RAB38: variants seen among roughly 807,000 people sequenced by gnomAD.
The protein encoded by RAB38 is ras-related protein Rab-38.
A neutral mutation model predicts 18.4 loss-of-function variants in RAB38; 15 were observed. That is an observed-to-expected ratio of 0.82 (90% CI 0.55 to 1.26). RAB38 has a LOEUF of 1.26. Among genes scored for constraint, RAB38 ranks in the 50% most tolerant of loss-of-function variants. The pLI is 0.00. For missense variants in RAB38, 294 were observed against 267.4 expected, an observed-to-expected ratio of 1.10 and a Z score of -0.69; for synonymous variants, 101 against 104.4, an observed-to-expected ratio of 0.97 and a Z score of 0.20.
At chr11:88,070,036 G>A in the RAB38 span, among the ~76,000 whole-genome samples, 2 of 152,324 alleles carry the variant, frequency 1.3e-5, no homozygotes, top group Admixed American at 1.3e-4. Flanking sequence ...GTCCGAGTCA[G>A]CAGAGGCAAC....
At chr11:88,125,920 A>G (rs927554166) in intron 2 of RAB38, among the ~76,000 whole-genome samples, 3 of 152,206 alleles carry the variant, frequency 2.0e-5, no homozygotes, top group Admixed American at 1.3e-4. Flanking sequence ...ATCCAGTTTC[A>G]TCTTTCTACA....
At chr11:88,092,503 G>C in the RAB38 span, among the ~76,000 whole-genome samples, 2 of 151,668 alleles carry the variant, frequency 1.3e-5, no homozygotes, top group African/African-American at 4.8e-5. Context: ...CATAGAGTGA[G>C]AACTCACTCA....
chr11:88,012,310 A>C, the RAB38 span, among the ~76,000 whole-genome samples: 1 of 152,174 alleles, frequency 6.6e-6, no homozygotes, highest in South Asian at 2.1e-4. Flanking sequence ...TGGAGGAAGT[A>C]ACTTTCAGCA....
the RAB38 span, among the ~76,000 whole-genome samples, chr11:87,913,965 C>T: frequency 1.3e-5 from 2 of 151,762 alleles, no homozygotes; most frequent in Non-Finnish European, 2.9e-5. Flanking sequence ...TTAGAGATAA[C>T]CTAGTTTTGG....
At chr11:88,051,245 C>T in the RAB38 span, among the ~76,000 whole-genome samples, 1 of 151,884 alleles carries the variant, frequency 6.6e-6, no homozygotes, top group Non-Finnish European at 1.5e-5. Flanking sequence ...AAAAAGTGAT[C>T]CCCAGGGTAC....
the RAB38 span, among the ~76,000 whole-genome samples, chr11:87,812,745 G>A: frequency 1.3e-5 from 2 of 152,154 alleles, no homozygotes; most frequent in Admixed American, 1.3e-4. Context: ...CCGAAAGATT[G>A]AATCCTCACG....
the RAB38 span, among the ~76,000 whole-genome samples, chr11:88,063,549 C>T: frequency 2.4e-4 from 37 of 152,256 alleles, no homozygotes; most frequent in African/African-American, 8.2e-4. Flanking sequence ...AAGAACCTTT[C>T]GCTACACCTA....
the RAB38 span, among the ~76,000 whole-genome samples, chr11:87,808,028 T>C: frequency 6.6e-6 from 1 of 152,146 alleles, no homozygotes; most frequent in Non-Finnish European, 1.5e-5. Context: ...AGCTACAGAG[T>C]GTACATATAC....
the RAB38 span, among the ~76,000 whole-genome samples, chr11:87,966,915 C>T: frequency 1.1e-4 from 17 of 152,290 alleles, no homozygotes; most frequent in South Asian, 4.1e-4. Flanking sequence ...AAGAGCTTCG[C>T]ATTGAACAAA....
chr11:88,030,164 A>C, the RAB38 span, among the ~76,000 whole-genome samples: 87 of 152,300 alleles, frequency 5.7e-4, 1 homozygote, highest in South Asian at 0.017. Flanking sequence ...AGAAATAAAG[A>C]TGTTCTTTGA....
At chr11:88,099,814 C>T in the RAB38 span, among the ~76,000 whole-genome samples, 4 of 151,620 alleles carry the variant, frequency 2.6e-5, no homozygotes, top group Non-Finnish European at 1.5e-5. Context: ...GCATGTCTTT[C>T]GCTTGGTGAT....
intron 1 of RAB38, among the ~76,000 whole-genome samples, chr11:88,151,265 T>C (rs934151641): frequency 2.6e-5 from 4 of 152,176 alleles, no homozygotes; most frequent in Admixed American, 6.5e-5. Context: ...TATACTTGAG[T>C]TTTCCTTCTC....
chr11:87,963,803 C>G, the RAB38 span, among the ~76,000 whole-genome samples: 1 of 151,878 alleles, frequency 6.6e-6, no homozygotes, highest in Non-Finnish European at 1.5e-5. Flanking sequence ...CCTGTCACCA[C>G]GCCTGGCTAA....
At chr11:87,912,301 A>G in the RAB38 span, among the ~76,000 whole-genome samples, 2 of 151,972 alleles carry the variant, frequency 1.3e-5, no homozygotes, top group African/African-American at 2.4e-5. Context: ...TTTGTTTAGT[A>G]GAATTCCCCA....
the RAB38 span, among the ~76,000 whole-genome samples, chr11:87,956,983 T>TGGG: frequency 1.4e-4 from 21 of 149,190 alleles, no homozygotes; most frequent in South Asian, 4.3e-4. Context: ...TGCAGTTTTT[T>TGGG]GGGGGGGGGT....
At chr11:88,012,560 TGAA>T in the RAB38 span, among the ~76,000 whole-genome samples, 7,372 of 151,952 alleles carry the variant, frequency 0.049, 296 homozygotes, top group East Asian at 0.14. Context: ...GGGACTAGAG[TGAA>T]GAAGAATTAT....
chr11:87,816,153 T>C, the RAB38 span: 2 of 152,298 alleles, frequency 1.3e-5, no homozygotes, highest in Non-Finnish European at 2.9e-5. Context: ...CATATTTTGG[T>C]CATTAGTGTT....
At chr11:87,926,930 TG>T in the RAB38 span, among the ~76,000 whole-genome samples, 22 of 152,078 alleles carry the variant, frequency 1.4e-4, no homozygotes, top group African/African-American at 4.3e-4. Flanking sequence ...GTAGAAACAG[TG>T]GAGGAGATGG....
chr11:87,841,473 A>G, the RAB38 span, among the ~76,000 whole-genome samples: 2 of 152,210 alleles, frequency 1.3e-5, no homozygotes, highest in African/African-American at 4.8e-5. Context: ...ATTATATTTC[A>G]TACTTAATCA....
Sources: gnomAD v4.1 joint callset for allele counts (sites outside exome capture counted in the v4.1 genomes callset) on GRCh38, gnomAD v4.1.1 for gene constraint, MANE v1.5 for transcripts, NCBI Gene and HGNC (gene_info 2026-07-23, HGNC 2026-07-21) for gene names.